The following MGAT4C variants were observed in gnomAD, a reference collection of about 807,000 sequenced individuals.
MGAT4C encodes alpha-1,3-mannosyl-glycoprotein 4-beta-N-acetylglucosaminyltransferase C.
A neutral mutation model predicts 40.1 loss-of-function variants in MGAT4C; 19 were observed. That is an observed-to-expected ratio of 0.47 (90% confidence interval 0.33 to 0.70). MGAT4C has a LOEUF of 0.70. MGAT4C is among the 30% of genes least tolerant of loss of function. MGAT4C has a pLI of 0.02. For synonymous variants in MGAT4C, 181 were observed against 187.1 expected, an observed-to-expected ratio of 0.97 and a Z score of 0.27; for missense variants, 491 against 563.2, an observed-to-expected ratio of 0.87 and a Z score of 1.30.
intron 1 of MGAT4C, among the ~76,000 whole-genome samples, chr12:86,759,286 T>C (rs1488997061): frequency 6.6e-6 from 1 of 152,132 alleles, no homozygotes; most frequent in Non-Finnish European, 1.5e-5. Context: ...TCCACTCATT[T>C]GTGGAGGAAC....
chr12:86,392,024 C>A (rs1233216664), intron 3 of MGAT4C, among the ~76,000 whole-genome samples: 1 of 151,974 alleles, frequency 6.6e-6, no homozygotes, highest in Admixed American at 6.6e-5. Flanking sequence ...GATAATAATA[C>A]CCTGCCTTAT....
intron 2 of MGAT4C, among the ~76,000 whole-genome samples, chr12:86,606,746 A>T (rs1337506882): frequency 2.7e-5 from 4 of 150,562 alleles, no homozygotes; most frequent in Admixed American, 6.6e-5. Context: ...ATTGCTGGAT[A>T]AAAAAAAAGG....
At chr12:86,491,214 G>T (rs61950777) in intron 2 of MGAT4C, among the ~76,000 whole-genome samples, 15,000 of 152,070 alleles carry the variant, frequency 0.099, 994 homozygotes, top group Middle Eastern at 0.25. Flanking sequence ...GCTACCAGAG[G>T]TAAAAGGAGG....
chr12:86,584,234 A>G (rs1018862362), intron 2 of MGAT4C, among the ~76,000 whole-genome samples: 32 of 151,026 alleles, frequency 2.1e-4, no homozygotes, highest in African/African-American at 7.2e-4. Flanking sequence ...AGAAAAATAG[A>G]TTTTTAAAAG....
In MGAT4C at chr12:86,007,149, G is replaced by A. The variant is rs147507982; in HGVS notation, c.-6-17597C>T. On this transcript the variant is annotated intron_variant, in intron 2 of 4. Transcript: ENST00000611864. ...TTAAAAATTCTGCATTTTCAACTGT[G>A]TTCAATGAATGGTTAAATATACAGA... Among the ~76,000 whole-genome samples, 321 of 152,012 alleles carry A rather than the reference G, an allele frequency of 2.1e-3. 2 individuals are homozygous for A. Among genetic ancestry groups the A allele is most frequent in the African/African-American group, 7.4e-3 (307 of 41,458 alleles).
chr12:86,131,968 A>G (rs1881251423), intron 1 of MGAT4C, among the ~76,000 whole-genome samples: 1 of 152,158 alleles, frequency 6.6e-6, no homozygotes, highest in Non-Finnish European at 1.5e-5. Flanking sequence ...AGATAACACT[A>G]AAGGCAGTAA....
intron 1 of MGAT4C, among the ~76,000 whole-genome samples, chr12:86,147,157 CA>C (rs1204837668): frequency 1.3e-5 from 2 of 152,056 alleles, no homozygotes; most frequent in African/African-American, 2.4e-5. Context: ...GTGTTGGACC[CA>C]TATATGTCTT....
At chr12:86,737,368 G>T in intron 1 of MGAT4C, among the ~76,000 whole-genome samples, 2 of 131,714 alleles carry the variant, frequency 1.5e-5, no homozygotes, top group Admixed American at 7.8e-5. Context: ...TTTTAACTTG[G>T]CCTCTTTCCT....
In MGAT4C at chr12:85,961,491, T is replaced by TA. The variant is rs1340024811; in HGVS notation, c.*17797dup. ...AATTATGTATATATATAAAATTATA[T>TA]ATGGTATAGTTTCAACTTCTAATCT... On this transcript the variant is annotated 3_prime_UTR_variant, in exon 5 of 5. Coordinates refer to ENST00000611864, the MANE Select transcript of MGAT4C (RefSeq NM_001351288.2). 1 of 151,720 alleles carries TA rather than the reference T, an allele frequency of 6.6e-6. No individual in the cohort carries two copies. Among genetic ancestry groups the TA allele is most frequent in the Non-Finnish European group, 1.5e-5 (1 of 67,744 alleles). The allele number at this position is 151,720 out of a possible 1,614,324, so 9.4% of individuals were successfully genotyped here. A position where few individuals can be genotyped will look rare whatever the true frequency, so the allele number is the denominator to read the frequency against.
At chr12:86,421,773 A>G (rs1439499695) in intron 3 of MGAT4C, among the ~76,000 whole-genome samples, 1 of 152,180 alleles carries the variant, frequency 6.6e-6, no homozygotes. Context: ...GAGAGACTCC[A>G]TCTCAAACAA....
intron 1 of MGAT4C, among the ~76,000 whole-genome samples, chr12:86,132,458 A>G (rs1336272124): frequency 6.6e-6 from 1 of 152,158 alleles, no homozygotes; most frequent in Non-Finnish European, 1.5e-5. Flanking sequence ...TTATAAAACA[A>G]TTACACTACC....
chr12:86,141,812 T>C (rs1214626746), intron 1 of MGAT4C, among the ~76,000 whole-genome samples: 1 of 152,120 alleles, frequency 6.6e-6, no homozygotes, highest in Non-Finnish European at 1.5e-5. Flanking sequence ...ACAATTCAAG[T>C]GCAATTCATA....
intron 3 of MGAT4C, among the ~76,000 whole-genome samples, chr12:86,393,359 T>G (rs147470666): frequency 1.3e-5 from 2 of 152,238 alleles, no homozygotes; most frequent in African/African-American, 4.8e-5. Context: ...TAAAAAATGA[T>G]TTATACACCT....
At chr12:86,331,296 C>A (rs1351075666) in intron 4 of MGAT4C, among the ~76,000 whole-genome samples, 1 of 152,036 alleles carries the variant, frequency 6.6e-6, no homozygotes, top group Non-Finnish European at 1.5e-5. Flanking sequence ...TGCACAGTGG[C>A]CTGCTAGCAC....
chr12:86,764,308 G>A (rs1040495896), intron 1 of MGAT4C, among the ~76,000 whole-genome samples: 4 of 152,140 alleles, frequency 2.6e-5, no homozygotes, highest in African/African-American at 4.8e-5. Flanking sequence ...GCGAGGCTGG[G>A]GGAGGGGTGC....
intron 2 of MGAT4C, among the ~76,000 whole-genome samples, chr12:86,031,484 T>C (rs1346899475): frequency 6.6e-6 from 1 of 151,840 alleles, no homozygotes; most frequent in Non-Finnish European, 1.5e-5. Context: ...AGAGTCAGAC[T>C]AGATTATGAA....
rs1953701856 is a variant in MGAT4C at position 86,297,130 on chromosome 12, G to GAA, written c.-57+36933_-57+36934dup. ...AGATGTGACCCCAATGAAGGAAATAGAAAAGATAAACATGGAAGTTTAAGT... is the reference window on the plus strand; with the variant it reads ...AGATGTGACCCCAATGAAGGAAATAGAAAAAAGATAAACATGGAAGTTTAAGT... On this transcript the variant is annotated intron_variant, in intron 4 of 7. Transcript: ENST00000548651. Among the ~76,000 whole-genome samples, 3 of 152,228 alleles carry GAA rather than the reference G, an allele frequency of 2.0e-5. No homozygotes were observed. The South Asian group carries it at 6.2e-4, about 32-fold the overall frequency.
intron 2 of MGAT4C, among the ~76,000 whole-genome samples, chr12:86,454,112 A>AT (rs1957471098): frequency 6.6e-6 from 1 of 152,144 alleles, no homozygotes; most frequent in African/African-American, 2.4e-5. Context: ...TTTTCCTACA[A>AT]TTTTTTCCAG....
At position 86,635,657 on chromosome 12, in the gene MGAT4C, TTGTGTGTG is replaced by T. The variant is rs71309507; in HGVS notation, c.-229+91544_-229+91551del. ...TTTTACTGTACCTTTTCTATATACA[TTGTGTGTG>T]TGTGTGTGTGTGTGTGTATGTATGT... On this transcript the variant is annotated intron_variant, in intron 2 of 7. Coordinates refer to the MGAT4C transcript ENST00000548651. Among the ~76,000 whole-genome samples the T allele has an allele frequency of 2.0e-5, 3 of 147,344 alleles. No individual in the cohort carries two copies. The East Asian group carries it at 6.0e-4, about 30-fold the overall frequency.
Sources: allele counts gnomAD v4.1 joint callset (sites outside exome capture counted in the v4.1 genomes callset), GRCh38; gene constraint gnomAD v4.1.1; transcripts MANE v1.5; gene names NCBI Gene and HGNC (gene_info 2026-07-23, HGNC 2026-07-21).